FSTL4: variants seen among roughly 807,000 people sequenced by gnomAD.
FSTL4 encodes follistatin like 4.
A neutral mutation model predicts 78.2 loss-of-function variants in FSTL4; 28 were observed. The observed-to-expected ratio is 0.36, with a 90% CI of 0.27 to 0.49. The LOEUF is 0.49. FSTL4 is among the 20% of genes least tolerant of loss of function. The pLI is 0.98. For synonymous variants in FSTL4, 422 were observed against 440.5 expected, an observed-to-expected ratio of 0.96 and a Z score of 0.53; for missense variants, 922 against 1,084.9, an observed-to-expected ratio of 0.85 and a Z score of 2.11.
intron 7 of FSTL4, among the ~76,000 whole-genome samples, chr5:133,238,185 G>A (rs559814882): frequency 2.0e-5 from 3 of 152,248 alleles, no homozygotes; most frequent in South Asian, 4.1e-4. Flanking sequence ...AATGTTCAAC[G>A]CAAGGACTCC....
At chr5:133,242,543 C>T (rs1751905439) in intron 7 of FSTL4, among the ~76,000 whole-genome samples, 1 of 152,112 alleles carries the variant, frequency 6.6e-6, no homozygotes, top group Admixed American at 6.6e-5. Flanking sequence ...TCCCCTAAGG[C>T]TTTCCCCTAA....
the FSTL4 span, among the ~76,000 whole-genome samples, chr5:133,829,132 G>A: frequency 1.4e-4 from 22 of 152,336 alleles, no homozygotes; most frequent in African/African-American, 5.3e-4. Context: ...CCTCACGCCT[G>A]TAATCCCAGC....
At chr5:133,260,559 G>T (rs1252545903) in intron 6 of FSTL4, among the ~76,000 whole-genome samples, 1 of 152,170 alleles carries the variant, frequency 6.6e-6, no homozygotes. Context: ...TCTTTTTGTA[G>T]AGGAAACATT....
intron 3 of FSTL4, among the ~76,000 whole-genome samples, chr5:133,506,187 G>A (rs570542883): frequency 6.6e-6 from 1 of 152,274 alleles, no homozygotes; most frequent in East Asian, 1.9e-4. Context: ...GATTGTCCAG[G>A]GATTTGTGAC....
intron 4 of FSTL4, among the ~76,000 whole-genome samples, chr5:133,342,519 C>G (rs755703514): frequency 2.6e-5 from 4 of 152,182 alleles, no homozygotes; most frequent in Non-Finnish European, 5.9e-5. Flanking sequence ...TACCCCAACA[C>G]CTGATGAAGG....
Position 133,233,433 on chromosome 5 carries a change from G to T in FSTL4, c.999C>A (p.His333Gln). 1 of 1,614,212 alleles carries T rather than the reference G, an allele frequency of 6.2e-7. No homozygotes were observed. Among genetic ancestry groups the T allele is most frequent in the Non-Finnish European group, 8.5e-7 (1 of 1,180,040 alleles). ...TTTACTAACCATTCACCTGCAGGAC[G>T]TGGGTCTGGAACAGCTGCTCGTGGC... is the stretch of plus-strand genomic sequence containing the variant. ...ASGHEQLFQT[H>Q]VLQVNVPPVI... The change falls in exon 8 of 16, where the codon CAC becomes CAA. Residue 333 changes from histidine to glutamine, a missense_variant. His to Gln is a conservative substitution (Grantham distance 24). Transcript: ENST00000265342.
chr5:133,455,161 G>T (rs1757462124), intron 3 of FSTL4, among the ~76,000 whole-genome samples: 3 of 152,186 alleles, frequency 2.0e-5, no homozygotes, highest in Admixed American at 6.5e-5. Flanking sequence ...GAGTGGAGAG[G>T]GAGAGGTGCA....
intron 4 of FSTL4, among the ~76,000 whole-genome samples, chr5:133,386,663 G>A (rs1196385908): frequency 2.6e-5 from 4 of 152,086 alleles, no homozygotes; most frequent in African/African-American, 9.7e-5. Context: ...GCACATAAAC[G>A]AGATCTTCAT....
intron 4 of FSTL4, among the ~76,000 whole-genome samples, chr5:133,339,984 AG>A (rs1754547822): frequency 6.6e-6 from 1 of 152,200 alleles, no homozygotes; most frequent in Non-Finnish European, 1.5e-5. Flanking sequence ...GAATCCTCCC[AG>A]TTCTCTCTTT....
chr5:133,515,750 T>C (rs1758839833), intron 3 of FSTL4, among the ~76,000 whole-genome samples: 1 of 151,996 alleles, frequency 6.6e-6, no homozygotes, highest in Admixed American at 6.5e-5. Context: ...AATTAGTATT[T>C]AGAACATAGT....
chr5:133,224,010 A>T, intron 11 of FSTL4, 180 bp downstream of exon 11: 1 of 535,478 alleles, frequency 1.9e-6, no homozygotes. Context: ...TTCTCATTAA[A>T]GACAGGAGTA....
At chr5:133,424,142 C>T (rs1756757539) in intron 3 of FSTL4, among the ~76,000 whole-genome samples, 1 of 152,214 alleles carries the variant, frequency 6.6e-6, no homozygotes. Context: ...TCAGGGGACA[C>T]CTCAGACCCG....
intron 4 of FSTL4, among the ~76,000 whole-genome samples, chr5:133,326,951 T>C (rs929700380): frequency 1.3e-5 from 2 of 152,172 alleles, no homozygotes; most frequent in African/African-American, 4.8e-5. Flanking sequence ...ACTTGGAGCT[T>C]TCCCTGGAAC....
chr5:133,696,165 G>T, the FSTL4 span, among the ~76,000 whole-genome samples: 1 of 152,242 alleles, frequency 6.6e-6, no homozygotes. Flanking sequence ...GGAGAACGCA[G>T]GGCTGCCCGG....
At chr5:133,686,127 A>G in the FSTL4 span, among the ~76,000 whole-genome samples, 1 of 152,176 alleles carries the variant, frequency 6.6e-6, no homozygotes, top group Non-Finnish European at 1.5e-5. Flanking sequence ...AGCATCCTAC[A>G]TGTCTTCTAT....
intron 3 of FSTL4, among the ~76,000 whole-genome samples, chr5:133,556,786 C>T (rs1380237454): frequency 1.3e-5 from 2 of 152,134 alleles, no homozygotes; most frequent in Non-Finnish European, 2.9e-5. Flanking sequence ...GAGCCTCCAC[C>T]AACCCCTTCC....
At chr5:133,746,387 G>A in the FSTL4 span, among the ~76,000 whole-genome samples, 1 of 151,822 alleles carries the variant, frequency 6.6e-6, no homozygotes, top group East Asian at 1.9e-4. Context: ...TGAGCAGACA[G>A]CTATTTCTAC....
chr5:133,624,609 A>T, the FSTL4 span, among the ~76,000 whole-genome samples: 1 of 151,928 alleles, frequency 6.6e-6, no homozygotes, highest in Non-Finnish European at 1.5e-5. Context: ...AACAAAAAAA[A>T]ATACTCAAGC....
the FSTL4 span, among the ~76,000 whole-genome samples, chr5:133,699,978 C>T: frequency 2.6e-5 from 4 of 151,996 alleles, no homozygotes; most frequent in South Asian, 6.2e-4. Flanking sequence ...AGCCTGGGCT[C>T]GGTTGTACCA....
Sources: allele counts gnomAD v4.1 joint callset (sites outside exome capture counted in the v4.1 genomes callset), GRCh38; gene constraint gnomAD v4.1.1; transcripts MANE v1.5; gene names NCBI Gene and HGNC (gene_info 2026-07-23, HGNC 2026-07-21).